Variants in CCR8 observed in about 807,000 individuals in gnomAD.
The protein encoded by CCR8 is C-C motif chemokine receptor 8, also known as C-C chemokine receptor type 8.
For missense variants in CCR8, 358 were observed against 417.5 expected (o/e 0.86, Z 1.24); for synonymous variants, 156 against 165.7 (o/e 0.94, Z 0.45).
At position 39,333,485 on chromosome 3, in the gene CCR8, CA is replaced by C. The variant is rs1374236562; in HGVS notation, c.*93del. 63 of 1,066,190 alleles carry C rather than the reference CA, an allele frequency of 5.9e-5. No individual in the cohort carries two copies. The highest frequency in any genetic ancestry group is 2.2e-4 in the Middle Eastern group (1 of 4,496). 66.0% of individuals were successfully genotyped at this position (1,066,190 alleles called of 1,614,324 possible). On this transcript the variant is annotated 3_prime_UTR_variant, in exon 2 of 2. Coordinates refer to ENST00000326306, the MANE Select transcript of CCR8 (RefSeq NM_005201.4). ...CAAAGGTGTGGGTGTGAAAGGTTTC[CA>C]AAAAAAGTTCAGCATGAAGGATGCC...
chr3:39,331,077 AT>A (rs1387976136), intron 1 of CCR8, among the ~76,000 whole-genome samples: 1 of 152,182 alleles, frequency 6.6e-6, no homozygotes, highest in African/African-American at 2.4e-5. Flanking sequence ...GGAAAAAAAA[AT>A]AACCCAAAGC....
intron 1 of CCR8, among the ~76,000 whole-genome samples, chr3:39,330,609 G>A (rs2041248503): frequency 6.6e-6 from 1 of 151,998 alleles, no homozygotes; most frequent in Admixed American, 6.6e-5. Context: ...TTTATTCCTA[G>A]TAATGCTAGT....
chr3:39,333,515 T>C lies in CCR8; in HGVS notation c.*116T>C. 1 of 717,288 alleles carries C rather than the reference T, an allele frequency of 1.4e-6. No individual in the cohort carries two copies. Among genetic ancestry groups the C allele is most frequent in the Non-Finnish European group, 2.3e-6 (1 of 429,634 alleles). The allele number at this position is 717,288 out of a possible 1,614,324, so 44.4% of individuals were successfully genotyped here. On this transcript the variant is annotated 3_prime_UTR_variant, in exon 2 of 2. Coordinates refer to ENST00000326306, the MANE Select transcript of CCR8 (RefSeq NM_005201.4). Reference sequence around the variant, plus strand: ...AAAGTTCAGCATGAAGGATGCCATATATGTTGTTGCCAACACTTGGAACAC... The same window carrying C: ...AAAGTTCAGCATGAAGGATGCCATACATGTTGTTGCCAACACTTGGAACAC...
chr3:39,333,485 C>T lies in CCR8; in HGVS notation c.*86C>T, dbSNP rs2041273004. 1 of 1,066,328 alleles carries T rather than the reference C, an allele frequency of 9.4e-7. No homozygotes were observed. Among genetic ancestry groups the T allele is most frequent in the South Asian group, 1.6e-5 (1 of 60,940 alleles). 66.1% of individuals were successfully genotyped at this position (1,066,328 alleles called of 1,614,324 possible). ...CAAAGGTGTGGGTGTGAAAGGTTTC[C>T]AAAAAAAGTTCAGCATGAAGGATGC... is the stretch of plus-strand genomic sequence containing the variant. On this transcript the variant is annotated 3_prime_UTR_variant, in exon 2 of 2. Transcript: ENST00000326306.
rs201159987 is a variant in CCR8, at chr3:39,332,787, G to C, written c.456G>C (p.Thr152=). The C allele has an allele frequency of 6.2e-7, 1 of 1,614,146 alleles. No individual in the cohort carries two copies. Among genetic ancestry groups the C allele is most frequent in the African/African-American group, 1.3e-5 (1 of 75,040 alleles). Residue 152 remains threonine, a synonymous_variant, in exon 2 of 2, where the codon ACG becomes ACC. Transcript: ENST00000326306. ...TGAGGACGATCAGGATGGGCACAAC[G>C]CTGTGCCTGGCAGTATGGCTAACCG... ...LKVRTIRMGT[T]LCLAVWLTAI... is the part of the protein sequence containing the mutation.
Position 39,333,457 on chromosome 3 carries a change from G to T in CCR8, c.*58G>T. ...TCTTGAATGGCATGCTAGTAGCAGTGAGCAAAGGTGTGGGTGTGAAAGGTT... is the reference window on the plus strand; with the variant it reads ...TCTTGAATGGCATGCTAGTAGCAGTTAGCAAAGGTGTGGGTGTGAAAGGTT... On this transcript the variant is annotated 3_prime_UTR_variant, in exon 2 of 2. Transcript: ENST00000326306. 2 of 1,366,160 alleles carry T rather than the reference G, an allele frequency of 1.5e-6. No individual in the cohort carries two copies. Among genetic ancestry groups the T allele is most frequent in the South Asian group, 2.8e-5 (2 of 72,276 alleles). 84.6% of individuals were successfully genotyped at this position (1,366,160 alleles called of 1,614,324 possible).
At position 39,332,620 on chromosome 3, in the gene CCR8, G is replaced by A. The variant is rs1345215115; in HGVS notation, c.289G>A (p.Asp97Asn). 3 of 1,614,120 alleles carry A rather than the reference G, an allele frequency of 1.9e-6. No individual in the cohort carries two copies. The African/African-American group carries it at 4.0e-5, about 22-fold the overall frequency. The change falls in exon 2 of 2, where the codon GAC (aspartate) becomes AAC (asparagine). Residue 97 changes from aspartate (D) to asparagine (N), a missense_variant. By Grantham distance (23) the Asp-to-Asn change is conservative. Coordinates refer to ENST00000326306, the MANE Select transcript of CCR8 (RefSeq NM_005201.4). ...CCCCTTTCAGACCTACTATCTGCTG[G>A]ACCAGTGGGTGTTTGGGACTGTAAT... ...SFPFQTYYLL[D>N]QWVFGTVMCK...
intron 1 of CCR8, among the ~76,000 whole-genome samples, chr3:39,331,163 T>C (rs982781546): frequency 1.3e-5 from 2 of 152,210 alleles, no homozygotes; most frequent in African/African-American, 4.8e-5. Flanking sequence ...TTGTAAGTTT[T>C]GGCTTTTCTC....
Position 39,332,752 on chromosome 3 carries a change from G to A in CCR8, c.421G>A (p.Ala141Thr). Residue 141 changes from alanine (A) to threonine (T), a missense_variant, in exon 2 of 2, where the codon GCC (alanine) becomes ACC (threonine). Coordinates refer to ENST00000326306, the MANE Select transcript of CCR8 (RefSeq NM_005201.4). Reference sequence around the variant, plus strand: ...CCTGGCTGTTGTCCATGCCGTGTATGCCCTAAAGGTGAGGACGATCAGGAT... The same window carrying A: ...CCTGGCTGTTGTCCATGCCGTGTATACCCTAAAGGTGAGGACGATCAGGAT... ...RYLAVVHAVY[A>T]LKVRTIRMGT... The A allele has an allele frequency of 6.2e-7, 1 of 1,614,160 alleles. No homozygotes were observed. The highest frequency in any genetic ancestry group is 8.5e-7 in the Non-Finnish European group (1 of 1,180,016).
chr3:39,330,283 G>A (rs555122660), intron 1 of CCR8, among the ~76,000 whole-genome samples: 2 of 152,306 alleles, frequency 1.3e-5, no homozygotes, highest in South Asian at 2.1e-4. Context: ...CTACTCAAGA[G>A]CCTGGGGCAG....
At position 39,333,396 on chromosome 3, in the gene CCR8, G is replaced by T. The variant is rs749914662; in HGVS notation, c.1065G>T (p.Leu355Phe). ...SSRSSSVDYI[L>F] is the part of the protein sequence containing the mutation. ...GTTCCTCCAGCGTAGACTACATTTT[G>T]TGAGGATCAATGAAGACTAAATATA... Residue 355 changes from leucine to phenylalanine, a missense_variant, in exon 2 of 2, where the codon TTG (leucine) becomes TTT (phenylalanine). Physicochemically the swap from Leu to Phe is conservative, Grantham distance 22 (BLOSUM62 0). Transcript: ENST00000326306. 4.4e-6 allele frequency: 7 copies of T among 1,607,008 alleles called. No individual in the cohort carries two copies. The East Asian group carries it at 1.3e-4, about 31-fold the overall frequency.
Position 39,332,345 on chromosome 3 carries a change from T to C in CCR8, c.14T>C (p.Leu5Pro). 6.2e-7 allele frequency: 1 copy of C among 1,612,344 alleles called. No homozygotes were observed. Among genetic ancestry groups the C allele is most frequent in the Non-Finnish European group, 8.5e-7 (1 of 1,178,456 alleles). Residue 5 changes from leucine (L) to proline (P), a missense_variant, in exon 2 of 2, where the codon CTT becomes CCT. Physicochemically the swap from Leu to Pro is moderately conservative, Grantham distance 98. Coordinates refer to ENST00000326306, the MANE Select transcript of CCR8 (RefSeq NM_005201.4). MDYT[L>P]DLSVTTVTDY... ...CCCGCTGCCTTGATGGATTATACAC[T>C]TGACCTCAGTGTGACAACAGTGACC...
At chr3:39,332,120 C>G (rs1051580078) in intron 1 of CCR8, among the ~76,000 whole-genome samples, 198 bp from the exon 2 acceptor site, 1 of 152,134 alleles carries the variant, frequency 6.6e-6, no homozygotes, top group Non-Finnish European at 1.5e-5. Flanking sequence ...AGCTCCCGGT[C>G]TATCATTTAA....
In CCR8 at chr3:39,332,850, A is replaced by G; in HGVS notation, c.519A>G (p.Gln173=). ...MATIPLLVFY[Q]VASEDGVLQC... is the part of the protein sequence containing the mutation. Reference sequence around the variant, plus strand: ...CCATCCCATTGCTAGTGTTTTACCAAGTGGCCTCTGAAGATGGTGTTCTAC... The same window carrying G: ...CCATCCCATTGCTAGTGTTTTACCAGGTGGCCTCTGAAGATGGTGTTCTAC... The change falls in exon 2 of 2, where the codon CAA becomes CAG. Residue 173 remains glutamine (Q), a synonymous_variant. Transcript: ENST00000326306. The G allele has an allele frequency of 6.2e-7, 1 of 1,614,206 alleles. No individual in the cohort carries two copies. Among genetic ancestry groups the G allele is most frequent in the Non-Finnish European group, 8.5e-7 (1 of 1,180,024 alleles).
intron 1 of CCR8, among the ~76,000 whole-genome samples, chr3:39,331,858 C>T (rs1488572670): frequency 2.4e-5 from 3 of 124,858 alleles, no homozygotes; most frequent in Non-Finnish European, 3.1e-5. Flanking sequence ...CTCACTCTGT[C>T]GCCCAGGATG....
In CCR8 at chr3:39,333,465, G is replaced by A. The variant is rs62242609; in HGVS notation, c.*66G>A. 3,659 of 1,307,946 alleles carry A rather than the reference G, an allele frequency of 2.8e-3. 11 individuals are homozygous for A. Among genetic ancestry groups the A allele is most frequent in the Non-Finnish European group, 3.5e-3 (3,297 of 950,346 alleles). The allele number at this position is 1,307,946 out of a possible 1,614,324, so 81.0% of individuals were successfully genotyped here. ...GGCATGCTAGTAGCAGTGAGCAAAGGTGTGGGTGTGAAAGGTTTCCAAAAA... is the reference window on the plus strand; with the variant it reads ...GGCATGCTAGTAGCAGTGAGCAAAGATGTGGGTGTGAAAGGTTTCCAAAAA... On this transcript the variant is annotated 3_prime_UTR_variant, in exon 2 of 2. Coordinates refer to ENST00000326306, the MANE Select transcript of CCR8 (RefSeq NM_005201.4).
At position 39,333,408 on chromosome 3, in the gene CCR8, G is replaced by A. The variant is rs1350719634; in HGVS notation, c.*9G>A. The A allele has an allele frequency of 6.3e-7, 1 of 1,591,416 alleles. No homozygotes were observed. Among genetic ancestry groups the A allele is most frequent in the African/African-American group, 1.4e-5 (1 of 73,962 alleles). On this transcript the variant is annotated 3_prime_UTR_variant, in exon 2 of 2. Coordinates refer to ENST00000326306, the MANE Select transcript of CCR8 (RefSeq NM_005201.4). ...TAGACTACATTTTGTGAGGATCAAT[G>A]AAGACTAAATATAAAAAACATTTTC...
intron 1 of CCR8, among the ~76,000 whole-genome samples, chr3:39,331,820 A>AT (rs57593683): frequency 0.29 from 27,700 of 94,040 alleles, 4,657 homozygotes; most frequent in East Asian, 0.69. Flanking sequence ...TTTAATTTTA[A>AT]TTTTTTTTTT....
chr3:39,331,858 C>A (rs1488572670), intron 1 of CCR8, among the ~76,000 whole-genome samples: 1 of 124,860 alleles, frequency 8.0e-6, no homozygotes, highest in African/African-American at 3.0e-5. Context: ...CTCACTCTGT[C>A]GCCCAGGATG....
Sources: gnomAD v4.1 joint callset for allele counts (sites outside exome capture counted in the v4.1 genomes callset) on GRCh38, gnomAD v4.1.1 for gene constraint, MANE v1.5 for transcripts, NCBI Gene and HGNC (gene_info 2026-07-23, HGNC 2026-07-21) for gene names.